TMEM114: variants seen among roughly 807,000 people sequenced by gnomAD.
TMEM114 encodes the protein transmembrane protein 114.
Under a neutral mutation model 6.2 loss-of-function variants are expected in TMEM114, and 6 were observed. The observed-to-expected ratio is 0.97, with a 90% CI of 0.53 to 1.91. TMEM114 has a LOEUF of 1.91. Ranked by LOEUF, TMEM114 falls within the 40% of genes most tolerant of loss-of-function variation. The probability of loss-of-function intolerance (pLI) is 0.01; values close to 1 mark genes in which losing one functional copy is unlikely to be tolerated. For synonymous variants in TMEM114, 104 were observed against 73.0 expected, an observed-to-expected ratio of 1.42 and a Z score of -2.16; for missense variants, 218 against 158.3, an observed-to-expected ratio of 1.38 and a Z score of -2.02.
intron 2 of TMEM114, among the ~76,000 whole-genome samples, chr16:8,551,629 T>G (rs1024274537): frequency 6.6e-6 from 1 of 152,250 alleles, no homozygotes; most frequent in African/African-American, 2.4e-5. Flanking sequence ...CAAGAAACAT[T>G]GACTTTCTGT....
At chr16:8,537,347 A>G (rs905698597), downstream of TMEM114, among the ~76,000 whole-genome samples, 2 of 152,128 alleles carry the variant, frequency 1.3e-5, no homozygotes, top group African/African-American at 4.8e-5. Flanking sequence ...CTAAAAATAC[A>G]AAAATTAGCC....
intron 2 of TMEM114, among the ~76,000 whole-genome samples, chr16:8,576,573 G>A (rs1331974689): frequency 6.6e-6 from 1 of 152,210 alleles, no homozygotes; most frequent in South Asian, 2.1e-4. Context: ...AAGGCCAGCA[G>A]GACCTGGAAA....
chr16:8,576,749 A>AGGAC (rs1901949844), intron 2 of TMEM114, among the ~76,000 whole-genome samples: 1 of 151,596 alleles, frequency 6.6e-6, no homozygotes, highest in African/African-American at 2.4e-5. Flanking sequence ...GAAGGAAGGA[A>AGGAC]GGAAGGAAGG....
the TMEM114 span, among the ~76,000 whole-genome samples, chr16:8,530,840 A>G: frequency 1.3e-5 from 2 of 152,100 alleles, 1 homozygote; most frequent in African/African-American, 4.8e-5. Context: ...CCTGGCCAAC[A>G]CAGAGAAACC....
the TMEM114 span, among the ~76,000 whole-genome samples, chr16:8,528,328 G>A: frequency 0.12 from 18,628 of 152,072 alleles, 1,403 homozygotes; most frequent in Middle Eastern, 0.22. Flanking sequence ...TGCATCTCAC[G>A]TCACCCCACT....
At chr16:8,565,391 T>C (rs962613697), downstream of TMEM114, among the ~76,000 whole-genome samples, 6 of 152,178 alleles carry the variant, frequency 3.9e-5, no homozygotes, top group Non-Finnish European at 5.9e-5. Context: ...GGATCTTCTT[T>C]GCCAGATAGA....
At chr16:8,561,988 G>T (rs1264505464) in intron 2 of TMEM114, among the ~76,000 whole-genome samples, 1 of 150,422 alleles carries the variant, frequency 6.6e-6, no homozygotes, top group East Asian at 2.0e-4. Context: ...GAATGAGTGA[G>T]TATATGAATG....
At chr16:8,560,954 A>T (rs1483900027) in intron 2 of TMEM114, among the ~76,000 whole-genome samples, 2 of 152,226 alleles carry the variant, frequency 1.3e-5, no homozygotes, top group Non-Finnish European at 1.5e-5. Context: ...AAGGCAAAAG[A>T]CACGTCTTAT....
intron 2 of TMEM114, among the ~76,000 whole-genome samples, chr16:8,563,211 G>C (rs1247492852): frequency 1.3e-5 from 2 of 151,604 alleles, no homozygotes; most frequent in African/African-American, 4.9e-5. Flanking sequence ...GTGAATGAGT[G>C]AGCAAATAAG....
intron 2 of TMEM114, among the ~76,000 whole-genome samples, chr16:8,549,615 A>G (rs1301983852): frequency 1.3e-5 from 2 of 151,940 alleles, no homozygotes; most frequent in Admixed American, 1.3e-4. Flanking sequence ...CCAAGATATC[A>G]TGTTTTCCTT....
At chr16:8,580,938 T>TGA (rs1902126660) in intron 2 of TMEM114, among the ~76,000 whole-genome samples, 1 of 152,154 alleles carries the variant, frequency 6.6e-6, no homozygotes, top group Non-Finnish European at 1.5e-5. Context: ...GTGATCCACC[T>TGA]GCCTCGGCCT....
At chr16:8,575,357 T>A (rs1901883652) in intron 2 of TMEM114, among the ~76,000 whole-genome samples, 1 of 152,170 alleles carries the variant, frequency 6.6e-6, no homozygotes, top group Non-Finnish European at 1.5e-5. Flanking sequence ...AATAAATAAG[T>A]CGCAGACAGT....
downstream of TMEM114, among the ~76,000 whole-genome samples, chr16:8,564,670 GGAAT>G (rs1567203867): frequency 1.3e-5 from 1 of 74,148 alleles, no homozygotes; most frequent in African/African-American, 4.9e-5. Context: ...AGGGAGGGAG[GGAAT>G]GAGTGAATGA....
intron 2 of TMEM114, among the ~76,000 whole-genome samples, chr16:8,553,060 C>T (rs543211921): frequency 2.2e-4 from 33 of 152,286 alleles, no homozygotes; most frequent in Middle Eastern, 6.8e-3. Flanking sequence ...GTTTTTCTTC[C>T]GACTTCTCAT....
chr16:8,563,203 G>A (rs62646464), intron 2 of TMEM114, among the ~76,000 whole-genome samples: 13,448 of 150,990 alleles, frequency 0.089, 808 homozygotes, highest in Middle Eastern at 0.17. Context: ...ATGAATGAGT[G>A]AATGAGTGAG....
intron 2 of TMEM114, among the ~76,000 whole-genome samples, chr16:8,586,512 T>G (rs1902326717): frequency 1.3e-5 from 2 of 150,126 alleles, no homozygotes; most frequent in South Asian, 2.1e-4. Flanking sequence ...TATCATTCTT[T>G]TTTTTTGTTT....
At chr16:8,555,801 G>T (rs539515561) in intron 2 of TMEM114, among the ~76,000 whole-genome samples, 1 of 152,194 alleles carries the variant, frequency 6.6e-6, no homozygotes, top group Non-Finnish European at 1.5e-5. Flanking sequence ...GTGGAATCCA[G>T]GGATTCTGCC....
At chr16:8,542,483 G>C (rs184977648) in intron 2 of TMEM114, among the ~76,000 whole-genome samples, 2 of 152,262 alleles carry the variant, frequency 1.3e-5, no homozygotes, top group South Asian at 4.1e-4. Context: ...CTGATTTCAG[G>C]TTTGCAAAGG....
chr16:8,557,376 G>T (rs530328751), intron 2 of TMEM114, among the ~76,000 whole-genome samples: 1 of 152,216 alleles, frequency 6.6e-6, no homozygotes, highest in Admixed American at 6.5e-5. Flanking sequence ...CATGGGGAGA[G>T]CCATATGGAA....
Sources: allele counts gnomAD v4.1 joint callset (sites outside exome capture counted in the v4.1 genomes callset), GRCh38; gene constraint gnomAD v4.1.1; transcripts MANE v1.5; gene names NCBI Gene and HGNC (gene_info 2026-07-23, HGNC 2026-07-21).